SDK1: variants seen among roughly 807,000 people sequenced by gnomAD.
SDK1 encodes the protein protein sidekick-1.
In SDK1, 157 loss-of-function variants were observed where a neutral mutation model predicts 245.5. That is an observed-to-expected ratio of 0.64 (90% CI 0.56 to 0.73). The LOEUF (loss-of-function observed/expected upper bound fraction) is 0.73. Ranked by LOEUF, SDK1 falls within the 30% of genes least tolerant of loss-of-function variation. The pLI, the probability that SDK1 is intolerant of heterozygous loss-of-function variation, is 0.00. For synonymous variants in SDK1, 1,647 were observed against 1,278.5 expected, an observed-to-expected ratio of 1.29 and a Z score of -6.15; for missense variants, 3,583 against 3,002.3, an observed-to-expected ratio of 1.19 and a Z score of -4.52.
chr7:3,942,857 T>C (rs550768918), intron 5 of SDK1, among the ~76,000 whole-genome samples: 1 of 152,340 alleles, frequency 6.6e-6, no homozygotes, highest in Admixed American at 6.5e-5. Flanking sequence ...TCTATTTATG[T>C]GGTTCATGTT....
intron 30 of SDK1, among the ~76,000 whole-genome samples, chr7:4,156,808 G>T (rs909218611): frequency 6.6e-6 from 1 of 152,160 alleles, no homozygotes; most frequent in African/African-American, 2.4e-5. Flanking sequence ...AGTCCTGGGG[G>T]TCCACAGGGC....
chr7:3,557,579 C>G (rs937167671), intron 1 of SDK1, among the ~76,000 whole-genome samples: 4 of 152,152 alleles, frequency 2.6e-5, no homozygotes, highest in South Asian at 2.1e-4. Context: ...AAGTAAATAT[C>G]AAACTGAGGA....
At chr7:3,562,159 C>T (rs546151713) in intron 1 of SDK1, among the ~76,000 whole-genome samples, 2 of 152,328 alleles carry the variant, frequency 1.3e-5, no homozygotes, top group South Asian at 4.1e-4. Flanking sequence ...TCGGAAACTG[C>T]ATAGCACCCT....
At chr7:3,387,731 CCTGT>C (rs780864555) in intron 1 of SDK1, among the ~76,000 whole-genome samples, 21 of 152,236 alleles carry the variant, frequency 1.4e-4, no homozygotes, top group South Asian at 8.3e-4. Flanking sequence ...TCTTTTGTTA[CCTGT>C]CTATTACCAC....
intron 1 of SDK1, among the ~76,000 whole-genome samples, chr7:3,511,492 C>T (rs942027919): frequency 6.6e-6 from 1 of 152,126 alleles, no homozygotes; most frequent in South Asian, 2.1e-4. Context: ...GTTTAATGAA[C>T]ATTTAACTAA....
chr7:3,835,105 A>T (rs2115079445), intron 5 of SDK1, among the ~76,000 whole-genome samples: 1 of 152,230 alleles, frequency 6.6e-6, no homozygotes, highest in South Asian at 2.1e-4. Flanking sequence ...ATCAAATGTT[A>T]TCTCTAGGCC....
intron 1 of SDK1, among the ~76,000 whole-genome samples, chr7:3,367,202 A>C (rs1039720207): frequency 4.7e-4 from 71 of 151,936 alleles, no homozygotes; most frequent in Non-Finnish European, 6.8e-4. Flanking sequence ...AATGAGTTTT[A>C]AAGAATGTAT....
At chr7:4,052,831 G>C (rs1243687216) in intron 19 of SDK1, among the ~76,000 whole-genome samples, 1 of 152,180 alleles carries the variant, frequency 6.6e-6, no homozygotes, top group Non-Finnish European at 1.5e-5. Flanking sequence ...GTTCATGCCT[G>C]TAATCCCAGC....
intron 4 of SDK1, among the ~76,000 whole-genome samples, chr7:3,762,604 C>T (rs1780140362): frequency 6.6e-6 from 1 of 152,066 alleles, no homozygotes; most frequent in Admixed American, 6.5e-5. Context: ...TCAGCAATGC[C>T]CTTGTGGTGT....
intron 1 of SDK1, among the ~76,000 whole-genome samples, chr7:3,485,784 AT>A (rs1489095370): frequency 7.1e-6 from 1 of 141,842 alleles, no homozygotes; most frequent in Non-Finnish European, 1.5e-5. Context: ...CATAAGTGCT[AT>A]TCCCACGTAA....
In SDK1 at chr7:3,814,610, C is replaced by G. The variant is rs545304710; in HGVS notation, c.714-6840C>G. Among the ~76,000 whole-genome samples, 191 of 152,034 alleles carry G rather than the reference C, an allele frequency of 1.3e-3. 1 individual carries two copies. The highest frequency in any genetic ancestry group is 4.4e-3 in the African/African-American group (182 of 41,434). ...TGGTGATGCGGGCTCTTTTTTGGTT[C>G]CACATGAACTTTAAAGTAGTTTTTT... is the stretch of plus-strand genomic sequence containing the variant. On this transcript the variant is annotated intron_variant, in intron 4 of 44. Coordinates refer to ENST00000404826, the MANE Select transcript of SDK1 (RefSeq NM_152744.4).
intron 1 of SDK1, among the ~76,000 whole-genome samples, chr7:3,336,228 G>C (rs1047227419): frequency 6.6e-6 from 1 of 152,158 alleles, no homozygotes; most frequent in Non-Finnish European, 1.5e-5. Context: ...AGCATGCTTC[G>C]GTTCCCCACC....
intron 4 of SDK1, among the ~76,000 whole-genome samples, chr7:3,765,074 A>G (rs1780216416): frequency 6.6e-6 from 1 of 152,172 alleles, no homozygotes; most frequent in Admixed American, 6.5e-5. Context: ...TTTTCTTTTA[A>G]TAATTATAGT....
chr7:3,870,279 T>A (rs1469182889), intron 5 of SDK1, among the ~76,000 whole-genome samples: 4 of 152,178 alleles, frequency 2.6e-5, no homozygotes, highest in Non-Finnish European at 4.4e-5. Flanking sequence ...ATAAAGTGAT[T>A]GCTACTTTTC....
chr7:4,138,565 G>T (rs562740865), intron 28 of SDK1, among the ~76,000 whole-genome samples: 2 of 152,072 alleles, frequency 1.3e-5, no homozygotes, highest in East Asian at 3.9e-4. Context: ...TGGCCAACAT[G>T]GTGAAACCCC....
intron 38 of SDK1, among the ~76,000 whole-genome samples, chr7:4,215,060 ACC>A (rs1784715236): frequency 1.3e-5 from 2 of 152,064 alleles, no homozygotes; most frequent in Non-Finnish European, 2.9e-5. Context: ...GAGCCTCGGG[ACC>A]CTGGCGCTCG....
chr7:3,445,243 T>G (rs1210794128), intron 1 of SDK1, among the ~76,000 whole-genome samples: 1 of 152,150 alleles, frequency 6.6e-6, no homozygotes, highest in African/African-American at 2.4e-5. Flanking sequence ...TTTCAGCTGA[T>G]AAAACTTATA....
chr7:4,203,187 G>A lies in SDK1; in HGVS notation c.5099-2692G>A, dbSNP rs139773778. Reference sequence around the variant, plus strand: ...CGCCCAGCCACGCAAGGCCATCCAAGCAACCAGCCAGAATTCCAGAACATT... The same window carrying A: ...CGCCCAGCCACGCAAGGCCATCCAAACAACCAGCCAGAATTCCAGAACATT... On this transcript the variant is annotated intron_variant, in intron 35 of 44. Coordinates refer to ENST00000404826, the MANE Select transcript of SDK1 (RefSeq NM_152744.4). Among the ~76,000 whole-genome samples the A allele has an allele frequency of 6.1e-4, 93 of 152,356 alleles. 2 individuals carry two copies. The East Asian group carries it at 0.017, about 27-fold the overall frequency.
intron 44 of SDK1, among the ~76,000 whole-genome samples, chr7:4,247,473 A>C (rs1380124116): frequency 6.6e-6 from 1 of 152,224 alleles, no homozygotes; most frequent in African/African-American, 2.4e-5. Flanking sequence ...TTTGTGATAA[A>C]GAAAAAGCTT....
Sources: gnomAD v4.1 joint callset for allele counts (sites outside exome capture counted in the v4.1 genomes callset) on GRCh38, gnomAD v4.1.1 for gene constraint, MANE v1.5 for transcripts, NCBI Gene and HGNC (gene_info 2026-07-23, HGNC 2026-07-21) for gene names.